The following CLPTM1 variants were observed in gnomAD, a reference collection of about 807,000 sequenced individuals.
CLPTM1 encodes CLPTM1 regulator of GABA type A receptor forward trafficking, also known as putative lipid scramblase CLPTM1.
In CLPTM1, 21 loss-of-function variants were observed where a neutral mutation model predicts 77.3. The observed-to-expected ratio is 0.27, with a 90% CI of 0.19 to 0.39. The LOEUF (loss-of-function observed/expected upper bound fraction) is 0.39. Ranked by LOEUF, CLPTM1 falls within the 10% of genes least tolerant of loss-of-function variation. The pLI, the probability that CLPTM1 is intolerant of heterozygous loss-of-function variation, is 1.00. For missense variants in CLPTM1, 642 were observed against 921.2 expected (o/e 0.70, Z 3.92); for synonymous variants, 373 against 381.0 (o/e 0.98, Z 0.24).
rs74516090 is a variant in CLPTM1, at chr19:44,980,508, C to CA, written c.586+3067dup. Among the ~76,000 whole-genome samples the CA allele has an allele frequency of 2.1e-3, 194 of 92,956 alleles. 2 individuals are homozygous for CA. Among genetic ancestry groups the CA allele is most frequent in the East Asian group, 8.4e-3 (26 of 3,100 alleles). The allele number at this position is 92,956 out of a possible 152,430, so 61.0% of individuals were successfully genotyped here. ...TGGGCGACAGAGCAAGACTCCATCT[C>CA]AAAAAAAAAAAAAAAAAAAGAAAAG... On this transcript the variant is annotated intron_variant, in intron 5 of 13. Coordinates refer to ENST00000337392, the MANE Select transcript of CLPTM1 (RefSeq NM_001294.4).
Position 44,962,062 on chromosome 19 carries a change from G to T in CLPTM1, c.172G>T (p.Gly58Cys). 6.2e-7 allele frequency: 1 copy of T among 1,605,116 alleles called. No individual in the cohort carries two copies. Among genetic ancestry groups the T allele is most frequent in the South Asian group, 1.1e-5 (1 of 89,750 alleles). Residue 58 changes from glycine to cysteine, a missense_variant, in exon 2 of 14, where the codon GGT becomes TGT. Physicochemically the swap from Gly to Cys is radical, Grantham distance 159. This residue lies in a region of CLPTM1 where 121 missense variants were observed against 120.8 expected (regional missense o/e 1.00). Coordinates refer to ENST00000337392, the MANE Select transcript of CLPTM1 (RefSeq NM_001294.4). ...PAPNAWQVIK[G>C]VLFRIFIIWA... ...ACCCAATGCCTGGCAGGTCATCAAAGGTGTGCTGTTTAGGTGAGCAGACGG... is the reference window on the plus strand; with the variant it reads ...ACCCAATGCCTGGCAGGTCATCAAATGTGTGCTGTTTAGGTGAGCAGACGG...
chr19:44,992,934 C>G lies in CLPTM1; in HGVS notation c.*37C>G. The G allele has an allele frequency of 6.2e-7, 1 of 1,601,088 alleles. No individual in the cohort carries two copies. The highest frequency in any genetic ancestry group is 8.5e-7 in the Non-Finnish European group (1 of 1,174,898). On this transcript the variant is annotated 3_prime_UTR_variant, in exon 14 of 14. Transcript: ENST00000337392. The surrounding 1 kb of genome is among the most constrained non-coding windows in gnomAD (Gnocchi z 7.7). Reference sequence around the variant, plus strand: ...CCTCACCTGCTCCGGCTCCTGGCGACCACTACCCCTGCGTCCCGGCCCCCT... The same window carrying G: ...CCTCACCTGCTCCGGCTCCTGGCGAGCACTACCCCTGCGTCCCGGCCCCCT...
At chr19:44,981,063 G>A (rs772790165) in intron 5 of CLPTM1, among the ~76,000 whole-genome samples, 33 of 152,016 alleles carry the variant, frequency 2.2e-4, no homozygotes, top group Non-Finnish European at 4.4e-4. Context: ...GGATGGTCTT[G>A]ATCTCCTGAC....
chr19:44,989,200 A>G (rs1349866539), intron 9 of CLPTM1, among the ~76,000 whole-genome samples: 2 of 152,162 alleles, frequency 1.3e-5, no homozygotes, highest in African/African-American at 4.8e-5. Context: ...ATTGAGAACT[A>G]CCATCTGGAA....
rs1971058743 is a variant in CLPTM1, at chr19:44,990,700, C to T, written c.1323+115C>T. 7.3e-7 allele frequency: 1 copy of T among 1,366,110 alleles called. No individual in the cohort carries two copies. Among genetic ancestry groups the T allele is most frequent in the East Asian group, 2.3e-5 (1 of 43,026 alleles). 84.6% of individuals were successfully genotyped at this position (1,366,110 alleles called of 1,614,324 possible). Reference sequence around the variant, plus strand: ...GGATTCCCAGCAAGTGCCTCACTCCCAGGACTGAGGGGATTTTCTCACCAG... The same window carrying T: ...GGATTCCCAGCAAGTGCCTCACTCCTAGGACTGAGGGGATTTTCTCACCAG... On this transcript the variant is annotated intron_variant, in intron 10 of 13. Transcript: ENST00000337392. This position sits in a 1 kb window ranked among gnomAD's most constrained non-coding sequence, Gnocchi z 4.8.
At chr19:44,975,462 C>T (rs530803325) in intron 4 of CLPTM1, among the ~76,000 whole-genome samples, 3 of 152,242 alleles carry the variant, frequency 2.0e-5, no homozygotes, top group Non-Finnish European at 4.4e-5. Context: ...CCTTTCTCCC[C>T]AGCAGGCCTT....
Position 44,990,642 on chromosome 19 carries a change from T to G in CLPTM1, c.1323+57T>G, listed in dbSNP as rs186034451. ...CTGCAGGGGTTGGGAGGGGGTAGTG[T>G]GGCCCAGCTGGACCCTGGAGCTGGC... On this transcript the variant is annotated intron_variant, in intron 10 of 13. Coordinates refer to ENST00000337392, the MANE Select transcript of CLPTM1 (RefSeq NM_001294.4). The surrounding 1 kb of genome is among the most constrained non-coding windows in gnomAD (Gnocchi z 4.8). 2.5e-6 allele frequency: 4 copies of G among 1,572,518 alleles called. No homozygotes were observed. The highest frequency in any genetic ancestry group is 3.5e-6 in the Non-Finnish European group (4 of 1,149,260).
intron 1 of CLPTM1, among the ~76,000 whole-genome samples, chr19:44,956,308 C>T (rs1568638548): frequency 6.6e-6 from 1 of 152,168 alleles, no homozygotes; most frequent in Non-Finnish European, 1.5e-5. Flanking sequence ...TCCTTTCCCT[C>T]TTTAGGCCTT....
rs1354753253 is a variant in CLPTM1 at position 44,991,584 on chromosome 19, AG to A, written c.1555+216del. 6.6e-6 allele frequency among the ~76,000 whole-genome samples: 1 copy of A among 152,136 alleles called. No individual in the cohort carries two copies. The highest frequency in any genetic ancestry group is 1.5e-5 in the Non-Finnish European group (1 of 68,010). On this transcript the variant is annotated intron_variant, in intron 12 of 13. Transcript: ENST00000337392. The surrounding 1 kb of genome is among the most constrained non-coding windows in gnomAD (Gnocchi z 5.4). ...ACAGTACGCTTCAGTCCTCATTCTC[AG>A]GGGGCCTTTGTGTCTTGGGAACAAG...
intron 5 of CLPTM1, among the ~76,000 whole-genome samples, chr19:44,979,096 T>G (rs1376948446): frequency 6.6e-6 from 1 of 151,776 alleles, no homozygotes; most frequent in African/African-American, 2.4e-5. Flanking sequence ...TCTCCCACCT[T>G]AGCCTCCAAA....
rs1970751642 is a variant in CLPTM1, at chr19:44,973,286, C to A, written c.309+76C>A. On this transcript the variant is annotated intron_variant, in intron 3 of 13. Transcript: ENST00000337392. ...GTGGAATGTGGAGGAGTGATGTCAG[C>A]AGTCGGGACAGACCAGGTCCTTGCT... 1.9e-6 allele frequency: 3 copies of A among 1,593,570 alleles called. No individual in the cohort carries two copies. In the Admixed American group the frequency reaches 5.1e-5, roughly 27 times the overall value.
chr19:44,968,030 T>C (rs997866833), intron 2 of CLPTM1, among the ~76,000 whole-genome samples: 4 of 152,254 alleles, frequency 2.6e-5, no homozygotes, highest in African/African-American at 9.6e-5. Context: ...TAGCCTGTTT[T>C]ACACACTGTT....
chr19:44,969,092 A>G (rs575866918), intron 2 of CLPTM1, among the ~76,000 whole-genome samples: 1 of 152,338 alleles, frequency 6.6e-6, no homozygotes, highest in Non-Finnish European at 1.5e-5. Flanking sequence ...CCTTTTTCCT[A>G]TGATTAAAAT....
At chr19:44,962,384 G>A (rs1414579145) in intron 2 of CLPTM1, among the ~76,000 whole-genome samples, 2 of 152,150 alleles carry the variant, frequency 1.3e-5, no homozygotes, top group South Asian at 4.1e-4. Context: ...TATAGACGGA[G>A]TAGCTTAAAC....
In CLPTM1 at chr19:44,972,545, G is replaced by A. The variant is rs377738192; in HGVS notation, c.186-542G>A. 7.2e-5 allele frequency among the ~76,000 whole-genome samples: 11 copies of A among 152,302 alleles called. No homozygotes were observed. The East Asian group carries it at 1.2e-3, about 16-fold the overall frequency. On this transcript the variant is annotated intron_variant, in intron 2 of 13. Coordinates refer to ENST00000337392, the MANE Select transcript of CLPTM1 (RefSeq NM_001294.4). The stretch of plus-strand genomic sequence containing the variant: ...ATTACAGGCATGAGCCGCCGCGCCC[G>A]TCCTCGTTCATTCTATTTTTTGTAG...
chr19:44,987,508 G>T, intron 8 of CLPTM1, 85 bp downstream of exon 8: 1 of 1,544,840 alleles, frequency 6.5e-7, no homozygotes. Context: ...CCTGGGCTGT[G>T]GGACCTCCCG....
intron 2 of CLPTM1, among the ~76,000 whole-genome samples, chr19:44,965,481 A>G (rs1180470071): frequency 2.7e-5 from 4 of 150,648 alleles, no homozygotes; most frequent in East Asian, 3.9e-4. Flanking sequence ...CTGGCGACAG[A>G]GCAAGACTGA....
intron 5 of CLPTM1, among the ~76,000 whole-genome samples, chr19:44,980,983 G>A (rs529298727): frequency 3.0e-4 from 46 of 151,276 alleles, no homozygotes; most frequent in South Asian, 6.2e-4. Context: ...GACTACAGGC[G>A]CCCGCCACCA....
chr19:44,987,147 G>A (rs781106900), intron 7 of CLPTM1, 32 bp from the exon 8 acceptor site: 3 of 1,591,370 alleles, frequency 1.9e-6, no homozygotes, highest in Middle Eastern at 1.7e-4. Context: ...TCCTGCCCGG[G>A]CCAAATGGTG....
Sources: gnomAD v4.1 joint callset for allele counts (sites outside exome capture counted in the v4.1 genomes callset) on GRCh38, gnomAD v4.1.1 for gene constraint, gnomAD v4.1.1 regional missense constraint, Gnocchi (gnomAD v3.1) non-coding constraint, MANE v1.5 for transcripts, NCBI Gene and HGNC (gene_info 2026-07-23, HGNC 2026-07-21) for gene names.